GABPB2: variants seen among roughly 807,000 people sequenced by gnomAD.
GABPB2 encodes GA binding protein transcription factor subunit beta 2.
Under a neutral mutation model 39.1 loss-of-function variants are expected in GABPB2, and 23 were observed. That is an observed-to-expected ratio of 0.59 (90% CI 0.42 to 0.83). GABPB2 has a LOEUF of 0.83. Ranked by LOEUF, GABPB2 falls within the 40% of genes least tolerant of loss-of-function variation. GABPB2 has a pLI of 0.00. For synonymous variants in GABPB2, 184 were observed against 199.3 expected (o/e 0.92, Z 0.65); for missense variants, 467 against 541.1 (o/e 0.86, Z 1.36).
At chr1:151,102,203 C>T (rs191593158) in intron 5 of GABPB2, among the ~76,000 whole-genome samples, 11 of 152,128 alleles carry the variant, frequency 7.2e-5, no homozygotes, top group African/African-American at 2.4e-4. Context: ...CACCTGTAAT[C>T]CCAGCTACTC....
intron 1 of GABPB2, 33 bp from the exon 2 acceptor site, chr1:151,088,157 G>C (rs1158682201): frequency 6.7e-7 from 1 of 1,488,676 alleles, no homozygotes; most frequent in Non-Finnish European, 9.4e-7. Flanking sequence ...TCGAGTTATA[G>C]CTACCTGAAA....
chr1:151,100,390 G>T (rs1019963243), intron 5 of GABPB2, among the ~76,000 whole-genome samples: 2 of 150,778 alleles, frequency 1.3e-5, no homozygotes, highest in African/African-American at 4.9e-5. Flanking sequence ...TGATCCACTC[G>T]CCATGGCCTC....
intron 1 of GABPB2, 162 bp from the exon 2 acceptor site, chr1:151,088,028 G>A (rs1243204598): frequency 1.8e-6 from 1 of 570,994 alleles, no homozygotes; most frequent in East Asian, 2.9e-5. Flanking sequence ...ATATTTTATT[G>A]TTTGTGTTAG....
chr1:151,113,130 C>T (rs1317040206), intron 7 of GABPB2, among the ~76,000 whole-genome samples: 3 of 151,806 alleles, frequency 2.0e-5, no homozygotes, highest in Non-Finnish European at 4.4e-5. Context: ...CCAGGCTGGT[C>T]TCAGACTCCT....
Position 151,097,912 on chromosome 1 carries a change from G to A in GABPB2, c.532G>A (p.Val178Met), listed in dbSNP as rs751191805. The change falls in exon 5 of 9, where the codon GTG becomes ATG. Residue 178 changes from valine to methionine, a missense_variant. Transcript: ENST00000368918. ...PERANPVTDPVSMAAPFIFTS... is the reference protein window; with the variant it reads ...PERANPVTDPMSMAAPFIFTS... Reference sequence around the variant, plus strand: ...GAGAGCCAACCCTGTGACTGACCCTGTGAGTATGGCTGCTCCATTCATCTT... The same window carrying A: ...GAGAGCCAACCCTGTGACTGACCCTATGAGTATGGCTGCTCCATTCATCTT... The A allele has an allele frequency of 3.7e-6, 6 of 1,614,094 alleles. No individual in the cohort carries two copies. In the South Asian group the frequency reaches 6.6e-5, roughly 18 times the overall value.
chr1:151,112,686 C>T (rs1680547502), intron 7 of GABPB2: 2 of 213,092 alleles, frequency 9.4e-6, no homozygotes, highest in South Asian at 1.6e-4. Flanking sequence ...GAACCCTGGC[C>T]AAATTTTTGT....
At chr1:151,103,252 T>C (rs901234579) in intron 5 of GABPB2, among the ~76,000 whole-genome samples, 6 of 151,794 alleles carry the variant, frequency 4.0e-5, no homozygotes. Context: ...GGTTTCACCA[T>C]GTTAGCCAGG....
chr1:151,113,382 T>C (rs1214433146), intron 7 of GABPB2, among the ~76,000 whole-genome samples: 2 of 147,132 alleles, frequency 1.4e-5, no homozygotes, highest in African/African-American at 5.1e-5. Flanking sequence ...GTCAGGAGAA[T>C]GGGGTGAACC....
intron 1 of GABPB2, among the ~76,000 whole-genome samples, chr1:151,075,902 CA>C (rs1338552252): frequency 6.6e-6 from 1 of 151,952 alleles, no homozygotes; most frequent in Non-Finnish European, 1.5e-5. Context: ...CTAGGGGTTA[CA>C]AAGAAATAAA....
intron 7 of GABPB2, among the ~76,000 whole-genome samples, chr1:151,111,177 A>G (rs1268966034): frequency 1.3e-5 from 2 of 151,916 alleles, no homozygotes; most frequent in Admixed American, 1.3e-4. Flanking sequence ...TGGCACGATC[A>G]TGACTTACGG....
intron 1 of GABPB2, among the ~76,000 whole-genome samples, chr1:151,073,535 G>A (rs934470151): frequency 1.3e-5 from 2 of 152,162 alleles, no homozygotes; most frequent in Non-Finnish European, 2.9e-5. Context: ...GATACTGGGA[G>A]AATGGCATAT....
chr1:151,083,508 C>A (rs1484389609), intron 1 of GABPB2, among the ~76,000 whole-genome samples: 1 of 152,084 alleles, frequency 6.6e-6, no homozygotes, highest in East Asian at 1.9e-4. Flanking sequence ...GTGGCACATG[C>A]CTGTAATCCG....
intron 7 of GABPB2, among the ~76,000 whole-genome samples, chr1:151,114,552 T>C (rs1680706413): frequency 1.3e-5 from 2 of 152,002 alleles, no homozygotes; most frequent in South Asian, 4.2e-4. Flanking sequence ...ACAAAAATTA[T>C]CTGGGTGTGG....
intron 6 of GABPB2, among the ~76,000 whole-genome samples, chr1:151,103,965 A>C (rs2101538274): frequency 6.6e-6 from 1 of 152,322 alleles, no homozygotes; most frequent in South Asian, 2.1e-4. Flanking sequence ...TTCTCATATT[A>C]GCAGATTTTT....
chr1:151,103,233 T>C (rs1679681682), intron 5 of GABPB2, among the ~76,000 whole-genome samples: 1 of 151,612 alleles, frequency 6.6e-6, no homozygotes. Flanking sequence ...GTATTTTTAG[T>C]AGAGACGGGG....
intron 7 of GABPB2, 142 bp from the exon 8 acceptor site, chr1:151,117,250 G>A (rs1050112884): frequency 1.3e-6 from 1 of 787,200 alleles, no homozygotes; most frequent in Non-Finnish European, 2.0e-6. Flanking sequence ...CCAGTCAGCT[G>A]CCTGAGTAGC....
intron 7 of GABPB2, among the ~76,000 whole-genome samples, chr1:151,109,901 T>C (rs2101556534): frequency 6.6e-6 from 1 of 151,184 alleles, no homozygotes; most frequent in East Asian, 2.0e-4. Context: ...TGCAGTGGCG[T>C]GATCTCGGCA....
intron 7 of GABPB2, among the ~76,000 whole-genome samples, chr1:151,113,931 TTTGAATCAATATTTCATTCCTTC>T (rs1680657174): frequency 6.6e-6 from 1 of 152,212 alleles, no homozygotes; most frequent in Non-Finnish European, 1.5e-5. Flanking sequence ...CAAGTTGTTG[TTTGAATCAATATTTCATTCCTTC>T]TTATTGCTGA....
At position 151,072,107 on chromosome 1, in the gene GABPB2, C is replaced by T. The variant is rs144446141; in HGVS notation, c.-1+1173C>T. Among the ~76,000 whole-genome samples, 308 of 152,342 alleles carry T rather than the reference C, an allele frequency of 2.0e-3. 2 individuals carry two copies. Among genetic ancestry groups the T allele is most frequent in the African/African-American group, 7.0e-3 (291 of 41,588 alleles). On this transcript the variant is annotated intron_variant, in intron 1 of 8. Coordinates refer to ENST00000368918, the MANE Select transcript of GABPB2 (RefSeq NM_144618.3). ...AGAGATGTTCTTAGGCATGTATTTT[C>T]ACACGTGCTTTGATGACAATAAAGA...
Sources: gnomAD v4.1 joint callset for allele counts (sites outside exome capture counted in the v4.1 genomes callset) on GRCh38, gnomAD v4.1.1 for gene constraint, MANE v1.5 for transcripts, NCBI Gene and HGNC (gene_info 2026-07-23, HGNC 2026-07-21) for gene names.